Variants in LOC112694756 observed in about 807,000 individuals in gnomAD.
the LOC112694756 span, chr16:30,067,918 C>T: frequency 5.4e-6 from 3 of 551,136 alleles, no homozygotes; most frequent in African/African-American, 1.9e-5. Flanking sequence ...GAGCCCCAGT[C>T]TGACACCCAA....
chr16:30,067,781 C>T, the LOC112694756 span: 1 of 1,162,968 alleles, frequency 8.6e-7, no homozygotes, highest in Non-Finnish European at 1.3e-6. Context: ...GAGCCTGCTT[C>T]AGGCTTAGGG....
At chr16:30,067,527 C>A in the LOC112694756 span, 1 of 1,613,906 alleles carries the variant, frequency 6.2e-7, no homozygotes, top group Non-Finnish European at 8.5e-7. Flanking sequence ...CCAGCTGCTG[C>A]TGACAGCTGA....
chr16:30,062,026 A>T, the LOC112694756 span, among the ~76,000 whole-genome samples: 1 of 150,714 alleles, frequency 6.6e-6, no homozygotes, highest in African/African-American at 2.4e-5. Context: ...AACATGGTGA[A>T]ACCCTGTCTC....
At chr16:30,063,948 C>G in the LOC112694756 span, 13 of 399,062 alleles carry the variant, frequency 3.3e-5, no homozygotes, top group African/African-American at 2.5e-4. Context: ...GATGGCCTGC[C>G]GAGCACCCAG....
the LOC112694756 span, among the ~76,000 whole-genome samples, chr16:30,059,717 C>T: frequency 6.6e-6 from 1 of 151,402 alleles, no homozygotes; most frequent in Admixed American, 6.6e-5. Flanking sequence ...CACCTGCCAC[C>T]ATGCCCGGCT....
chr16:30,063,515 G>C, the LOC112694756 span, among the ~76,000 whole-genome samples: 2 of 152,062 alleles, frequency 1.3e-5, no homozygotes, highest in African/African-American at 4.8e-5. Flanking sequence ...CTGAATCATT[G>C]CTTCTAGCTT....
chr16:30,066,744 C>G, the LOC112694756 span: 1 of 909,348 alleles, frequency 1.1e-6, no homozygotes, highest in African/African-American at 1.7e-5. Flanking sequence ...GTTCTAATCT[C>G]AGATCTGGCT....
At chr16:30,059,403 C>T in the LOC112694756 span, among the ~76,000 whole-genome samples, 6 of 151,846 alleles carry the variant, frequency 4.0e-5, no homozygotes, top group South Asian at 1.3e-3. Flanking sequence ...GAGGCTGAGG[C>T]AGGAGAATGC....
the LOC112694756 span, chr16:30,068,011 A>AT: frequency 3.3e-6 from 1 of 299,656 alleles, no homozygotes; most frequent in Non-Finnish European, 6.3e-6. Context: ...AAGTGAAAAT[A>AT]TTTTAATTTA....
the LOC112694756 span, chr16:30,067,455 A>G: frequency 1.9e-6 from 3 of 1,613,512 alleles, no homozygotes; most frequent in Admixed American, 1.7e-5. Context: ...CCCAGGGAGC[A>G]TTGCCAAGCG....
At chr16:30,058,579 G>A in the LOC112694756 span, among the ~76,000 whole-genome samples, 1 of 151,458 alleles carries the variant, frequency 6.6e-6, no homozygotes, top group Non-Finnish European at 1.5e-5. Context: ...TCCGCCTCTC[G>A]GGTTCAAGCG....
chr16:30,066,130 G>T, the LOC112694756 span: 1 of 152,598 alleles, frequency 6.6e-6, no homozygotes, highest in Non-Finnish European at 1.5e-5. Context: ...GAGTCATGGC[G>T]GGGGAGGAAG....
the LOC112694756 span, chr16:30,068,410 G>A: frequency 1.7e-6 from 1 of 585,786 alleles, no homozygotes; most frequent in Non-Finnish European, 3.1e-6. Flanking sequence ...ATATTTGCCA[G>A]CCCTGAGATG....
At chr16:30,067,823 C>T in the LOC112694756 span, 11 of 787,206 alleles carry the variant, frequency 1.4e-5, no homozygotes, top group Non-Finnish European at 1.7e-5. Flanking sequence ...CCTCACAATT[C>T]TGAGAGAACA....
At chr16:30,067,275 A>G in the LOC112694756 span, 1 of 1,612,426 alleles carries the variant, frequency 6.2e-7, no homozygotes, top group Non-Finnish European at 8.5e-7. Flanking sequence ...AATATCCAGC[A>G]CTGACCCCGG....
At chr16:30,069,997 G>C in the LOC112694756 span, 1 of 1,613,736 alleles carries the variant, frequency 6.2e-7, no homozygotes, top group Non-Finnish European at 8.5e-7. Context: ...GAACCTGAAG[G>C]CTGCGCAGGA....
At chr16:30,070,240 C>T in the LOC112694756 span, 1 of 1,609,600 alleles carries the variant, frequency 6.2e-7, no homozygotes, top group South Asian at 1.1e-5. Flanking sequence ...CTGCCCCCAA[C>T]ACTCCAGGCC....
the LOC112694756 span, chr16:30,069,731 A>C: frequency 6.2e-7 from 1 of 1,611,140 alleles, no homozygotes; most frequent in Non-Finnish European, 8.5e-7. Flanking sequence ...CCACAACCCT[A>C]TGCCCATTTG....
chr16:30,056,972 G>A, the LOC112694756 span, among the ~76,000 whole-genome samples: 190 of 148,756 alleles, frequency 1.3e-3, no homozygotes, highest in Middle Eastern at 7.1e-3. Context: ...GTGCAATGGT[G>A]CAATCTCGGC....
Sources: gnomAD v4.1 joint callset for allele counts (sites outside exome capture counted in the v4.1 genomes callset) on GRCh38, gnomAD v4.1.1 for gene constraint, MANE v1.5 for transcripts.